The following BABAM2 variants were observed in gnomAD, a reference collection of about 807,000 sequenced individuals.
The protein encoded by BABAM2 is BRISC and BRCA1-A complex member 2.
Under a neutral mutation model 54.7 loss-of-function variants are expected in BABAM2, and 31 were observed. The ratio of observed to expected loss-of-function variants is 0.57; its 90% confidence interval spans 0.43 to 0.77. The LOEUF (loss-of-function observed/expected upper bound fraction) is 0.77, where lower values mean the gene tolerates loss of function less well. Ranked by LOEUF, BABAM2 falls within the 30% of genes least tolerant of loss-of-function variation. BABAM2 has a pLI of 0.00. For synonymous variants in BABAM2, 167 were observed against 162.9 expected, an observed-to-expected ratio of 1.03 and a Z score of -0.19; for missense variants, 364 against 455.8, an observed-to-expected ratio of 0.80 and a Z score of 1.83.
chr2:28,324,209 A>T (rs566721515), intron 11 of BABAM2, among the ~76,000 whole-genome samples: 2 of 152,226 alleles, frequency 1.3e-5, no homozygotes, highest in Admixed American at 1.3e-4. Context: ...AGACTAAAAT[A>T]CAGCCACAAT....
rs573636969 is a variant in BABAM2, at chr2:28,003,416, A to G, written c.300+15329A>G. Among the ~76,000 whole-genome samples the G allele has an allele frequency of 1.9e-4, 29 of 152,182 alleles. No homozygotes were observed. In the South Asian group the frequency reaches 5.2e-3, roughly 27 times the overall value. ...ATTCTAAGGCTGGGCAACATGGCAA[A>G]ACCTTGTCACTACAAAAAACAAAAA... On this transcript the variant is annotated intron_variant, in intron 4 of 11. Coordinates refer to ENST00000379624, the MANE Select transcript of BABAM2 (RefSeq NM_199191.3).
Position 27,987,998 on chromosome 2 carries a change from A to G in BABAM2, c.211A>G (p.Ile71Val), listed in dbSNP as rs1672523484. 6.2e-7 allele frequency: 1 copy of G among 1,610,242 alleles called. No homozygotes were observed. Residue 71 changes from isoleucine to valine, a missense_variant, in exon 4 of 12, where the codon ATC becomes GTC. By Grantham distance (29) the Ile-to-Val change is conservative (BLOSUM62 3). Coordinates refer to ENST00000379624, the MANE Select transcript of BABAM2 (RefSeq NM_199191.3). ...PYAGETLKWD[I>V]IFNAQYPELP... ...GTCATTTTCTTTTATTTCAGGGGAT[A>G]TCATTTTCAATGCCCAATACCCAGA...
intron 6 of BABAM2, among the ~76,000 whole-genome samples, chr2:28,082,778 C>T (rs140644596): frequency 2.0e-5 from 3 of 152,274 alleles, no homozygotes; most frequent in Non-Finnish European, 2.9e-5. Flanking sequence ...GTAATTCCCT[C>T]ACTTGTAAGT....
chr2:28,133,511 A>T (rs1670266320), intron 7 of BABAM2, among the ~76,000 whole-genome samples: 1 of 152,152 alleles, frequency 6.6e-6, no homozygotes, highest in Admixed American at 6.5e-5. Flanking sequence ...TGACAGGGAG[A>T]GGCTCAGGAG....
At chr2:28,032,995 A>G (rs888504270) in intron 5 of BABAM2, among the ~76,000 whole-genome samples, 2 of 152,144 alleles carry the variant, frequency 1.3e-5, no homozygotes, top group African/African-American at 4.8e-5. Context: ...TCACACACGT[A>G]ATTTCCTGTA....
intron 6 of BABAM2, among the ~76,000 whole-genome samples, chr2:28,101,334 C>A (rs1667063856): frequency 6.6e-6 from 1 of 152,114 alleles, no homozygotes; most frequent in East Asian, 1.9e-4. Flanking sequence ...GCTGCCGAAC[C>A]TATGACAGAG....
intron 10 of BABAM2, among the ~76,000 whole-genome samples, chr2:28,281,088 A>G (rs574100685): frequency 4.6e-5 from 7 of 152,096 alleles, no homozygotes; most frequent in Non-Finnish European, 8.8e-5. Context: ...ATGAACTTCA[A>G]CTTCTTTATT....
chr2:28,119,674 A>G (rs1346903583), intron 6 of BABAM2, among the ~76,000 whole-genome samples: 1 of 152,206 alleles, frequency 6.6e-6, no homozygotes, highest in Non-Finnish European at 1.5e-5. Context: ...ATATTCCTGC[A>G]TAAATAAGAG....
At chr2:28,032,035 A>G (rs1181159618) in intron 5 of BABAM2, among the ~76,000 whole-genome samples, 7 of 152,234 alleles carry the variant, frequency 4.6e-5, no homozygotes, top group Non-Finnish European at 1.0e-4. Context: ...ACATTATAAG[A>G]ATCAATAGGT....
intron 3 of BABAM2, among the ~76,000 whole-genome samples, chr2:27,986,977 CT>C (rs1672441813): frequency 6.6e-6 from 1 of 152,126 alleles, no homozygotes; most frequent in South Asian, 2.1e-4. Context: ...GGTAGAAGAA[CT>C]TGCAATCTAA....
intron 11 of BABAM2, among the ~76,000 whole-genome samples, chr2:28,324,779 A>G (rs550608305): frequency 2.0e-5 from 3 of 152,334 alleles, no homozygotes; most frequent in South Asian, 4.1e-4. Flanking sequence ...TGGGTGACAG[A>G]GTGCAGACAG....
Position 28,145,153 on chromosome 2 carries a change from TG to T in BABAM2, c.680+15775del, listed in dbSNP as rs952456670. On this transcript the variant is annotated intron_variant, in intron 7 of 11. Transcript: ENST00000379624. ...TTGAGAATCACTGATCTTTCCAGTG[TG>T]GTGTGACTTATAGACAGTGTTGGAC... Among the ~76,000 whole-genome samples, 16 of 152,344 alleles carry T rather than the reference TG, an allele frequency of 1.1e-4. 1 individual carries two copies. The highest frequency in any genetic ancestry group is 1.3e-4 in the Admixed American group (2 of 15,304).
intron 7 of BABAM2, among the ~76,000 whole-genome samples, chr2:28,141,390 T>C (rs1671041231): frequency 6.6e-6 from 1 of 152,242 alleles, no homozygotes; most frequent in Non-Finnish European, 1.5e-5. Context: ...GCAAGAATTC[T>C]GTTGTTCATA....
intron 3 of BABAM2, among the ~76,000 whole-genome samples, chr2:27,958,588 T>G (rs552440115): frequency 5.4e-4 from 81 of 150,610 alleles, no homozygotes; most frequent in African/African-American, 1.8e-3. Flanking sequence ...GTATATTTAG[T>G]TTTTTTTTAA....
intron 10 of BABAM2, among the ~76,000 whole-genome samples, chr2:28,256,809 C>T (rs1684018263): frequency 6.6e-6 from 1 of 151,722 alleles, no homozygotes; most frequent in African/African-American, 2.4e-5. Context: ...ATTCTCCTGC[C>T]TCAGCCTCCC....
At chr2:28,171,619 A>T (rs1290358813) in intron 7 of BABAM2, among the ~76,000 whole-genome samples, 3 of 152,204 alleles carry the variant, frequency 2.0e-5, no homozygotes. Flanking sequence ...AAGGAGGGAA[A>T]TCCATTGTGT....
intron 3 of BABAM2, among the ~76,000 whole-genome samples, chr2:27,971,082 A>G (rs929224362): frequency 2.6e-5 from 4 of 152,134 alleles, no homozygotes; most frequent in Non-Finnish European, 2.9e-5. Context: ...GGTGTCTACC[A>G]GTTTTTCTCA....
chr2:28,067,786 G>C (rs1663742217), intron 6 of BABAM2, among the ~76,000 whole-genome samples: 1 of 152,230 alleles, frequency 6.6e-6, no homozygotes, highest in African/African-American at 2.4e-5. Context: ...ACAGGTAGCA[G>C]TACAAACAGG....
Position 28,001,598 on chromosome 2 carries a change from A to G in BABAM2, c.300+13511A>G, listed in dbSNP as rs546370308. Among the ~76,000 whole-genome samples the G allele has an allele frequency of 7.2e-5, 11 of 152,332 alleles. No individual in the cohort carries two copies. In the South Asian group the frequency reaches 2.1e-3, roughly 29 times the overall value. ...GTATGTAAGACTGAGTAATTTATAA[A>G]GAAAAGTAGTCTATTTGGGCTCACA... On this transcript the variant is annotated intron_variant, in intron 4 of 11. Coordinates refer to ENST00000379624, the MANE Select transcript of BABAM2 (RefSeq NM_199191.3).
Sources: allele counts gnomAD v4.1 joint callset (sites outside exome capture counted in the v4.1 genomes callset), GRCh38; gene constraint gnomAD v4.1.1; transcripts MANE v1.5; gene names NCBI Gene and HGNC (gene_info 2026-07-23, HGNC 2026-07-21).